The following SLC36A1 variants were observed in gnomAD, a reference collection of about 807,000 sequenced individuals.
SLC36A1 encodes proton-coupled amino acid transporter 1.
In SLC36A1, 30 loss-of-function variants were observed where a neutral mutation model predicts 47.5. The observed-to-expected ratio is 0.63, with a 90% CI of 0.47 to 0.86. The LOEUF is 0.86. Among genes scored for constraint, SLC36A1 ranks in the 40% least tolerant of loss-of-function variants. The probability of loss-of-function intolerance (pLI) is 0.00; values close to 1 mark genes in which losing one functional copy is unlikely to be tolerated. For synonymous variants in SLC36A1, 255 were observed against 249.7 expected, an observed-to-expected ratio of 1.02 and a Z score of -0.20; for missense variants, 517 against 606.0, an observed-to-expected ratio of 0.85 and a Z score of 1.54.
the SLC36A1 span, among the ~76,000 whole-genome samples, chr5:151,391,007 C>T: frequency 6.6e-5 from 10 of 152,140 alleles, no homozygotes; most frequent in African/African-American, 1.9e-4. Flanking sequence ...GCAGTATGGC[C>T]ATTTTCACAA....
chr5:151,398,340 A>G, the SLC36A1 span, among the ~76,000 whole-genome samples: 1 of 152,216 alleles, frequency 6.6e-6, no homozygotes. Flanking sequence ...TCCACCAGGA[A>G]GAGCACCATC....
chr5:151,481,423 G>A (rs955461488), intron 10 of SLC36A1, among the ~76,000 whole-genome samples: 7 of 152,178 alleles, frequency 4.6e-5, no homozygotes, highest in African/African-American at 1.2e-4. Flanking sequence ...GTATTTATGC[G>A]CGTTCATTTT....
the SLC36A1 span, among the ~76,000 whole-genome samples, chr5:151,535,361 G>A: frequency 6.6e-6 from 1 of 151,926 alleles, no homozygotes; most frequent in Non-Finnish European, 1.5e-5. Context: ...CTAATTGTGG[G>A]TTTTAAGACC....
At chr5:151,534,992 TATATGTATAC>T in the SLC36A1 span, among the ~76,000 whole-genome samples, 1 of 143,964 alleles carries the variant, frequency 6.9e-6, no homozygotes, top group Non-Finnish European at 1.5e-5. Context: ...TATATATATA[TATATGTATAC>T]ATTTTCTATA....
the SLC36A1 span, among the ~76,000 whole-genome samples, chr5:151,388,283 C>A: frequency 6.6e-6 from 1 of 152,004 alleles, no homozygotes; most frequent in African/African-American, 2.4e-5. Flanking sequence ...GGGCGGATCA[C>A]CTGAGGTCGG....
chr5:151,505,545 C>T, the SLC36A1 span: 1 of 1,613,884 alleles, frequency 6.2e-7, no homozygotes, highest in South Asian at 1.1e-5. Context: ...TCCCGCCTGC[C>T]TTGCTCTGGG....
At chr5:151,534,968 AAAAT>A in the SLC36A1 span, among the ~76,000 whole-genome samples, 29 of 52,726 alleles carry the variant, frequency 5.5e-4, 1 homozygote, top group Non-Finnish European at 7.8e-4. Flanking sequence ...CACTTCTAGG[AAAAT>A]ATATATATAT....
chr5:151,546,692 C>T, the SLC36A1 span, among the ~76,000 whole-genome samples: 1,464 of 152,110 alleles, frequency 9.6e-3, 21 homozygotes, highest in African/African-American at 0.034. Context: ...CAGTTTGCAT[C>T]ATACAGAATT....
intron 7 of SLC36A1, 139 bp downstream of exon 7, chr5:151,468,064 T>A: frequency 1.5e-6 from 1 of 659,132 alleles, no homozygotes; most frequent in Non-Finnish European, 2.6e-6. Flanking sequence ...GAGACCAGCC[T>A]GGCCGTCATG....
At chr5:151,360,015 T>C in the SLC36A1 span, among the ~76,000 whole-genome samples, 1,189 of 152,326 alleles carry the variant, frequency 7.8e-3, 20 homozygotes, top group African/African-American at 0.027. Context: ...TGGACGTAAG[T>C]TTTATGCTTT....
chr5:151,409,314 G>C, the SLC36A1 span, among the ~76,000 whole-genome samples: 1 of 151,990 alleles, frequency 6.6e-6, no homozygotes, highest in African/African-American at 2.4e-5. Flanking sequence ...GGGTGGGGGG[G>C]ATAGATTTTC....
At chr5:151,400,942 G>A in the SLC36A1 span, among the ~76,000 whole-genome samples, 8 of 152,162 alleles carry the variant, frequency 5.3e-5, no homozygotes, top group East Asian at 1.9e-4. Flanking sequence ...TGGATGCATC[G>A]TTTGTGAATA....
chr5:151,549,508 A>C, the SLC36A1 span: 32 of 1,613,838 alleles, frequency 2.0e-5, no homozygotes, highest in Non-Finnish European at 4.2e-6. Flanking sequence ...TCTCGGACCT[A>C]TGGGCCCAAA....
chr5:151,381,010 C>T, the SLC36A1 span: 1 of 393,004 alleles, frequency 2.5e-6, no homozygotes, highest in Non-Finnish European at 5.1e-6. Flanking sequence ...GGCTGACAGA[C>T]TATGCTCTCT....
At chr5:151,499,454 C>T in the SLC36A1 span, among the ~76,000 whole-genome samples, 7 of 152,226 alleles carry the variant, frequency 4.6e-5, no homozygotes, top group South Asian at 2.1e-4. Flanking sequence ...GCCCTGGGCG[C>T]GTCACTCCAT....
the SLC36A1 span, chr5:151,406,677 A>C: frequency 6.6e-6 from 1 of 152,292 alleles, no homozygotes; most frequent in Non-Finnish European, 1.5e-5. Context: ...ACATGGGCTG[A>C]ACTTTCTGCT....
the SLC36A1 span, chr5:151,517,575 G>A: frequency 6.2e-7 from 1 of 1,611,240 alleles, no homozygotes; most frequent in Non-Finnish European, 8.5e-7. Context: ...TACCTCCCCA[G>A]CCTGGGACAC....
At chr5:151,436,349 A>C (rs866373140), upstream of SLC36A1, among the ~76,000 whole-genome samples, 3 of 151,956 alleles carry the variant, frequency 2.0e-5, no homozygotes, top group Non-Finnish European at 4.4e-5. Flanking sequence ...CATGTATTCT[A>C]CTCTTTCTAG....
chr5:151,383,425 C>T, the SLC36A1 span, among the ~76,000 whole-genome samples: 8 of 152,180 alleles, frequency 5.3e-5, no homozygotes, highest in East Asian at 1.9e-4. Context: ...TGTCATACAG[C>T]TTGTGATGAG....
Sources: gnomAD v4.1 joint callset for allele counts (sites outside exome capture counted in the v4.1 genomes callset) on GRCh38, gnomAD v4.1.1 for gene constraint, MANE v1.5 for transcripts, NCBI Gene and HGNC (gene_info 2026-07-23, HGNC 2026-07-21) for gene names.